The following PATL1 variants were observed in gnomAD, a reference collection of about 807,000 sequenced individuals.
PATL1 encodes protein PAT1 homolog 1.
In PATL1, 32 loss-of-function variants were observed where a neutral mutation model predicts 100.6. That is an observed-to-expected ratio of 0.32 (90% CI 0.24 to 0.43). The LOEUF (loss-of-function observed/expected upper bound fraction) is 0.43, where lower values mean the gene tolerates loss of function less well. Ranked by LOEUF, PATL1 falls within the 20% of genes least tolerant of loss-of-function variation. The pLI is 1.00. For missense variants in PATL1, 747 were observed against 949.9 expected (o/e 0.79, Z 2.81); for synonymous variants, 332 against 330.0 (o/e 1.01, Z -0.07).
At position 59,666,976 on chromosome 11, in the gene PATL1, GAA is replaced by G; in HGVS notation, c.16-14_16-13del. 1 of 1,533,094 alleles carries G rather than the reference GAA, an allele frequency of 6.5e-7. No individual in the cohort carries two copies. The highest frequency in any genetic ancestry group is 1.4e-5 in the African/African-American group (1 of 71,998). The allele number at this position is 1,533,094 out of a possible 1,614,324, so 95.0% of individuals were successfully genotyped here. A position where few individuals can be genotyped will look rare whatever the true frequency, so the allele number is the denominator to read the frequency against. On this transcript the variant is annotated splice_polypyrimidine_tract_variant and intron_variant, in intron 1 of 18. Transcript: ENST00000300146. ...CAATCCTCCAAAGACTAAAAAAAAA[GAA>G]AAGACATTAGTTATTCATGAAATTC...
At chr11:59,662,546 GAAT>G (rs939584171) in intron 2 of PATL1, among the ~76,000 whole-genome samples, 2 of 152,102 alleles carry the variant, frequency 1.3e-5, no homozygotes, top group African/African-American at 4.8e-5. Flanking sequence ...AATATTTAAA[GAAT>G]AATGTAATTA....
At chr11:59,653,615 T>C (rs534525992) in intron 9 of PATL1, among the ~76,000 whole-genome samples, 125 of 152,320 alleles carry the variant, frequency 8.2e-4, no homozygotes, top group African/African-American at 3.0e-3. Context: ...ACAGAGGCCC[T>C]GTTGTACCCC....
rs1419462318 is a variant in PATL1 at position 59,652,970 on chromosome 11, G to T, written c.1170C>A (p.Ser390Arg). 1 of 1,613,826 alleles carries T rather than the reference G, an allele frequency of 6.2e-7. No individual in the cohort carries two copies. The highest frequency in any genetic ancestry group is 8.5e-7 in the Non-Finnish European group (1 of 1,179,874). The change falls in exon 10 of 19, where the codon AGC becomes AGA. Residue 390 changes from serine to arginine, a missense_variant. Physicochemically the swap from Ser to Arg is moderately radical, Grantham distance 110. This residue lies in a region of PATL1 where 434 missense variants were observed against 596.1 expected (regional missense o/e 0.73). Coordinates refer to ENST00000300146, the MANE Select transcript of PATL1 (RefSeq NM_152716.3). ...NGAGDRGSHR[S>R]SHQDHLRKDP... The stretch of plus-strand genomic sequence containing the variant: ...CCTTTCGGAGATGATCTTGATGACT[G>T]CTCCGGTGACTTCCTCTATCTCCCG...
In PATL1 at chr11:59,668,958, C is replaced by T. The variant is rs925140385; in HGVS notation, c.-63G>A. 5 of 352,576 alleles carry T rather than the reference C, an allele frequency of 1.4e-5. No individual in the cohort carries two copies. The highest frequency in any genetic ancestry group is 1.1e-4 in the African/African-American group (5 of 45,862). The allele number at this position is 352,576 out of a possible 1,614,324, so 21.8% of individuals were successfully genotyped here. A position where few individuals can be genotyped will look rare whatever the true frequency, so the allele number is the denominator to read the frequency against. Reference sequence around the variant, plus strand: ...GGGAGGGAGGGAAGAAGCGCTGACTCCCCGGCTCCTCCGCGCGCGGGTCCT... The same window carrying T: ...GGGAGGGAGGGAAGAAGCGCTGACTTCCCGGCTCCTCCGCGCGCGGGTCCT... On this transcript the variant is annotated 5_prime_UTR_variant, in exon 1 of 19. Transcript: ENST00000300146.
chr11:59,657,034 G>A, intron 5 of PATL1: 1 of 947,212 alleles, frequency 1.1e-6, no homozygotes, highest in Non-Finnish European at 1.3e-6. Context: ...CATTTCATAG[G>A]ATTTGAGCCT....
intron 13 of PATL1, 86 bp from the exon 14 acceptor site, chr11:59,649,696 G>T: frequency 1.5e-6 from 2 of 1,303,888 alleles, no homozygotes; most frequent in African/African-American, 1.5e-5. Flanking sequence ...AGGACTACTA[G>T]CTAAAGACAA....
intron 14 of PATL1, 127 bp from the exon 15 acceptor site, chr11:59,648,040 A>C (rs1861387614): frequency 2.3e-5 from 15 of 648,600 alleles, no homozygotes; most frequent in Non-Finnish European, 3.2e-5. Flanking sequence ...CTGTACTATA[A>C]AACAGTAGGA....
intron 4 of PATL1, among the ~76,000 whole-genome samples, chr11:59,658,532 A>C (rs983406482): frequency 2.0e-5 from 3 of 152,104 alleles, no homozygotes; most frequent in African/African-American, 7.2e-5. Flanking sequence ...CATGTTGGCC[A>C]GGCTGGTCTT....
At chr11:59,657,189 G>T (rs937131626) in intron 5 of PATL1, 38 of 933,902 alleles carry the variant, frequency 4.1e-5, no homozygotes, top group Middle Eastern at 5.5e-4. Flanking sequence ...GGTAAAAAGG[G>T]ATGTGGACAA....
At chr11:59,667,236 C>G (rs1473799918) in intron 1 of PATL1, 4 of 341,722 alleles carry the variant, frequency 1.2e-5, no homozygotes, top group Non-Finnish European at 1.7e-5. Context: ...AATCCACGAA[C>G]AGCAGTTCCT....
intron 8 of PATL1, 129 bp downstream of exon 8, chr11:59,655,394 G>C: frequency 6.9e-6 from 6 of 864,732 alleles, no homozygotes; most frequent in Non-Finnish European, 1.0e-5. Flanking sequence ...TTCCATGTTT[G>C]CCAACTTGAG....
intron 2 of PATL1, among the ~76,000 whole-genome samples, chr11:59,663,121 G>A (rs1430610730): frequency 6.6e-6 from 1 of 152,112 alleles, no homozygotes; most frequent in Non-Finnish European, 1.5e-5. Flanking sequence ...AGATATGCCA[G>A]TGCTTGACCT....
At chr11:59,660,178 AGATTTT>A (rs772096143) in intron 2 of PATL1, among the ~76,000 whole-genome samples, 2 of 152,240 alleles carry the variant, frequency 1.3e-5, no homozygotes, top group African/African-American at 2.4e-5. Flanking sequence ...ACTTCCTCTT[AGATTTT>A]AAGTGCCACA....
chr11:59,645,862 C>A (rs1267207485), intron 15 of PATL1, among the ~76,000 whole-genome samples: 1 of 151,912 alleles, frequency 6.6e-6, no homozygotes, highest in Non-Finnish European at 1.5e-5. Flanking sequence ...ATATCTTGTA[C>A]ATTTCATGAT....
chr11:59,638,522 GATT>G, intron 18 of PATL1, 111 bp from the exon 19 acceptor site: 1 of 1,015,382 alleles, frequency 9.8e-7, no homozygotes, highest in Non-Finnish European at 1.5e-6. Context: ...AAATACCCGA[GATT>G]ATTTCTCTAC....
At chr11:59,649,330 A>C in intron 14 of PATL1, 132 bp downstream of exon 14, 3 of 884,542 alleles carry the variant, frequency 3.4e-6, no homozygotes, top group Non-Finnish European at 5.0e-6. Flanking sequence ...CATTTGAGTT[A>C]GGCTAAAAGG....
At chr11:59,668,821 A>G (rs1861733311) in intron 1 of PATL1, 60 bp downstream of exon 1, 8 of 827,158 alleles carry the variant, frequency 9.7e-6, no homozygotes, top group Non-Finnish European at 1.5e-5. Flanking sequence ...GCGCGGAGAG[A>G]GAGTGAGGGA....
chr11:59,656,395 T>C, intron 6 of PATL1, 104 bp downstream of exon 6: 1 of 920,980 alleles, frequency 1.1e-6, no homozygotes, highest in South Asian at 1.7e-5. Flanking sequence ...AAAAAATAGG[T>C]ATAATTTAGG....
At position 59,652,545 on chromosome 11, in the gene PATL1, T is replaced by G; in HGVS notation, c.1345A>C (p.Ile449Leu). ...TCCTTCTTAGGGCCATCACCTTGTA[T>G]TTCTTCAGCAGCTGACAGTTTCTCC... ...KLEKLSAAEE[I>L]QGDGPKKERT... Residue 449 changes from isoleucine to leucine, a missense_variant, in exon 11 of 19, where the codon ATA (isoleucine) becomes CTA (leucine). Physicochemically the swap from Ile to Leu is conservative, Grantham distance 5 (BLOSUM62 2). Coordinates refer to ENST00000300146, the MANE Select transcript of PATL1 (RefSeq NM_152716.3). The G allele has an allele frequency of 6.2e-7, 1 of 1,613,928 alleles. No individual in the cohort carries two copies. The highest frequency in any genetic ancestry group is 8.5e-7 in the Non-Finnish European group (1 of 1,179,864).
Sources: allele counts gnomAD v4.1 joint callset (sites outside exome capture counted in the v4.1 genomes callset), GRCh38; gene constraint gnomAD v4.1.1; regional missense constraint gnomAD v4.1.1; transcripts MANE v1.5; gene names NCBI Gene and HGNC (gene_info 2026-07-23, HGNC 2026-07-21).